The following DNAI7 variants were observed in gnomAD, a reference collection of about 807,000 sequenced individuals.
The protein encoded by DNAI7 is cancer susceptibility 1.
DNAI7 carries 78 observed loss-of-function variants against 86.6 expected under a neutral mutation model. The observed-to-expected ratio is 0.90, with a 90% CI of 0.75 to 1.09. DNAI7 has a LOEUF of 1.09. Ranked by LOEUF, DNAI7 falls within the 50% of genes least tolerant of loss-of-function variation. DNAI7 has a pLI of 0.00. For missense variants in DNAI7, 753 were observed against 810.2 expected, an observed-to-expected ratio of 0.93 and a Z score of 0.86; for synonymous variants, 274 against 273.0, an observed-to-expected ratio of 1.00 and a Z score of -0.04.
intron 2 of DNAI7, 128 bp downstream of exon 2, chr12:25,190,486 G>A: frequency 5.0e-6 from 2 of 398,632 alleles, no homozygotes; most frequent in Non-Finnish European, 9.1e-6. Context: ...CTGCATTAAT[G>A]TCTAAAAAGT....
At chr12:25,121,960 A>AT in intron 10 of DNAI7, 47 bp from the exon 11 acceptor site, 1 of 1,314,042 alleles carries the variant, frequency 7.6e-7, no homozygotes, top group Non-Finnish European at 1.0e-6. Context: ...ACAGTTTAGT[A>AT]TGTTCTTAGG....
chr12:25,183,118 C>A lies in DNAI7; in HGVS notation c.21+7496G>T, dbSNP rs555223968. Among the ~76,000 whole-genome samples, 5 of 152,034 alleles carry A rather than the reference C, an allele frequency of 3.3e-5. No individual in the cohort carries two copies. The East Asian group carries it at 9.7e-4, about 29-fold the overall frequency. On this transcript the variant is annotated intron_variant, in intron 2 of 15. Transcript: ENST00000395987. ...CATGGATACAGTTGGAGGCCATTAC[C>A]CTAAGTGAATTAAAGCAGAAACAGA... is the stretch of plus-strand genomic sequence containing the variant.
chr12:25,110,021 T>C (rs1027303035), intron 15 of DNAI7, 106 bp downstream of exon 15: 3 of 643,102 alleles, frequency 4.7e-6, no homozygotes, highest in Non-Finnish European at 5.4e-6. Flanking sequence ...GTTAATTTTT[T>C]TAACTTTTCT....
At chr12:25,160,771 C>T (rs1487275312) in intron 3 of DNAI7, among the ~76,000 whole-genome samples, 11 of 152,058 alleles carry the variant, frequency 7.2e-5, no homozygotes, top group Non-Finnish European at 1.3e-4. Flanking sequence ...ATTTCTTTTG[C>T]GGCACCAAAA....
At chr12:25,135,318 C>T (rs190425274) in intron 9 of DNAI7, among the ~76,000 whole-genome samples, 3 of 152,188 alleles carry the variant, frequency 2.0e-5, no homozygotes, top group South Asian at 2.1e-4. Flanking sequence ...GCCCTGTAGG[C>T]GCTCCTGGTC....
intron 2 of DNAI7, among the ~76,000 whole-genome samples, chr12:25,169,278 A>C (rs1159053333): frequency 6.6e-6 from 1 of 152,056 alleles, no homozygotes; most frequent in Non-Finnish European, 1.5e-5. Context: ...CTCCTGGCTC[A>C]TCCTGGCTCA....
chr12:25,132,190 T>A (rs1290134659), intron 9 of DNAI7, among the ~76,000 whole-genome samples: 1 of 152,144 alleles, frequency 6.6e-6, no homozygotes, highest in Non-Finnish European at 1.5e-5. Context: ...GCGTGTTCAG[T>A]ACTTACTTAT....
chr12:25,124,115 G>T (rs1222383967), intron 9 of DNAI7, among the ~76,000 whole-genome samples: 2 of 149,444 alleles, frequency 1.3e-5, no homozygotes, highest in African/African-American at 4.9e-5. Flanking sequence ...ACTTCAGGTA[G>T]CACCTGTACT....
chr12:25,150,212 G>T (rs1472225098), intron 6 of DNAI7, among the ~76,000 whole-genome samples: 1 of 152,208 alleles, frequency 6.6e-6, no homozygotes, highest in Non-Finnish European at 1.5e-5. Context: ...AATTGTCCCA[G>T]TGCCAAAGTA....
intron 1 of DNAI7, 117 bp from the exon 2 acceptor site, chr12:25,190,748 T>G (rs1950444655): frequency 2.1e-6 from 1 of 467,922 alleles, no homozygotes; most frequent in Non-Finnish European, 3.9e-6. Context: ...ATAAGGGAAC[T>G]CTCTGTACCA....
At chr12:25,136,675 G>A (rs1382684734) in intron 9 of DNAI7, among the ~76,000 whole-genome samples, 1 of 151,762 alleles carries the variant, frequency 6.6e-6, no homozygotes, top group Non-Finnish European at 1.5e-5. Flanking sequence ...TACAGGCGAT[G>A]GATAAAAAAA....
chr12:25,158,882 C>T (rs1489073025), intron 3 of DNAI7: 9 of 333,734 alleles, frequency 2.7e-5, no homozygotes, highest in Non-Finnish European at 5.2e-5. Context: ...AAATCAAAAC[C>T]ACAATGAGAT....
chr12:25,192,160 A>G (rs1222797740), intron 1 of DNAI7, among the ~76,000 whole-genome samples: 6 of 152,244 alleles, frequency 3.9e-5, no homozygotes, highest in South Asian at 2.1e-4. Flanking sequence ...TTTTACAAAT[A>G]GATTCTATTT....
chr12:25,168,864 A>G (rs989225592), intron 2 of DNAI7, among the ~76,000 whole-genome samples: 2 of 152,020 alleles, frequency 1.3e-5, no homozygotes, highest in African/African-American at 4.8e-5. Flanking sequence ...CCAGGCCATC[A>G]CCAATAATTC....
intron 2 of DNAI7, among the ~76,000 whole-genome samples, chr12:25,176,856 G>A (rs1044234162): frequency 6.9e-6 from 1 of 144,228 alleles, no homozygotes; most frequent in African/African-American, 2.6e-5. Flanking sequence ...TTTTTTAATT[G>A]TGACAAAGTA....
rs111735540 is a variant in DNAI7 at position 25,135,313 on chromosome 12, G to A, written c.1002+9052C>T. Among the ~76,000 whole-genome samples the A allele has an allele frequency of 1.4e-3, 211 of 152,316 alleles. 1 individual carries two copies. The highest frequency in any genetic ancestry group is 4.9e-3 in the African/African-American group (205 of 41,568). ...TAGAAGAAGCAGTGGGAAGAGCCCT[G>A]TAGGCGCTCCTGGTCTCCAGGGAAG... On this transcript the variant is annotated intron_variant, in intron 9 of 15. Coordinates refer to ENST00000395987, the MANE Select transcript of DNAI7 (RefSeq NM_018272.5).
chr12:25,139,657 A>G (rs1565699263), intron 9 of DNAI7, among the ~76,000 whole-genome samples: 1 of 152,262 alleles, frequency 6.6e-6, no homozygotes, highest in South Asian at 2.1e-4. Context: ...ATGAGAAGCC[A>G]TGGACACAGG....
intron 3 of DNAI7, among the ~76,000 whole-genome samples, chr12:25,159,863 T>A (rs1238448843): frequency 1.3e-5 from 2 of 152,216 alleles, no homozygotes; most frequent in African/African-American, 4.8e-5. Context: ...TAAAAACCTC[T>A]ATCTAAATAC....
intron 4 of DNAI7, among the ~76,000 whole-genome samples, chr12:25,157,591 T>C (rs1027548986): frequency 6.6e-6 from 1 of 152,180 alleles, no homozygotes; most frequent in Non-Finnish European, 1.5e-5. Flanking sequence ...TAATAAAATT[T>C]ATTTTTATCA....
Sources: allele counts gnomAD v4.1 joint callset (sites outside exome capture counted in the v4.1 genomes callset), GRCh38; gene constraint gnomAD v4.1.1; transcripts MANE v1.5; gene names NCBI Gene and HGNC (gene_info 2026-07-23, HGNC 2026-07-21).